Variants in CTNNA2 observed in about 807,000 individuals in gnomAD.
CTNNA2 encodes the protein catenin alpha-2.
Under a neutral mutation model 101.0 loss-of-function variants are expected in CTNNA2, and 42 were observed. That is an observed-to-expected ratio of 0.42 (90% CI 0.32 to 0.54). CTNNA2 has a LOEUF of 0.54. CTNNA2 is among the 20% of genes least tolerant of loss of function. The pLI is 0.14. For missense variants in CTNNA2, 871 were observed against 1,223.1 expected, an observed-to-expected ratio of 0.71 and a Z score of 4.29; for synonymous variants, 450 against 456.4, an observed-to-expected ratio of 0.99 and a Z score of 0.18.
chr2:80,149,239 T>G (rs1165255840), intron 7 of CTNNA2, among the ~76,000 whole-genome samples: 4 of 152,028 alleles, frequency 2.6e-5, no homozygotes, highest in African/African-American at 9.7e-5. Flanking sequence ...GTCTTTTACT[T>G]TGTTGCGCAG....
chr2:79,365,575 A>C (rs1461570905), intron 3 of CTNNA2, among the ~76,000 whole-genome samples: 4 of 150,178 alleles, frequency 2.7e-5, no homozygotes, highest in East Asian at 4.0e-4. Flanking sequence ...GTGGTGAGCT[A>C]TGATGGCACC....
At chr2:80,221,353 G>C (rs1293569053) in intron 7 of CTNNA2, among the ~76,000 whole-genome samples, 1 of 152,172 alleles carries the variant, frequency 6.6e-6, no homozygotes, top group East Asian at 1.9e-4. Flanking sequence ...TTCTGCAGTA[G>C]AGGGGTGTAT....
chr2:80,548,238 C>G (rs1182404158), intron 11 of CTNNA2, among the ~76,000 whole-genome samples: 2 of 152,116 alleles, frequency 1.3e-5, no homozygotes, highest in African/African-American at 4.8e-5. Flanking sequence ...AGCCTCAGAT[C>G]ACACAGCCAT....
intron 7 of CTNNA2, among the ~76,000 whole-genome samples, chr2:80,080,024 G>T (rs1251425649): frequency 6.6e-6 from 1 of 152,060 alleles, no homozygotes; most frequent in Non-Finnish European, 1.5e-5. Context: ...TTTGAGCCTT[G>T]CACGTCAATG....
intron 7 of CTNNA2, among the ~76,000 whole-genome samples, chr2:80,021,458 G>A (rs2104106693): frequency 6.6e-6 from 1 of 152,248 alleles, no homozygotes; most frequent in South Asian, 2.1e-4. Context: ...GCAGAAGAAT[G>A]CAGTCTTGGG....
chr2:80,567,181 G>T (rs562133325), intron 12 of CTNNA2, among the ~76,000 whole-genome samples: 4 of 152,134 alleles, frequency 2.6e-5, no homozygotes, highest in Admixed American at 6.6e-5. Context: ...AAAGTCCCCC[G>T]TGTAGGGGTG....
At chr2:80,190,573 C>T (rs1706429784) in intron 7 of CTNNA2, among the ~76,000 whole-genome samples, 1 of 152,110 alleles carries the variant, frequency 6.6e-6, no homozygotes, top group Non-Finnish European at 1.5e-5. Context: ...CTCCCAGAAT[C>T]TGTAGCTCAA....
intron 7 of CTNNA2, among the ~76,000 whole-genome samples, chr2:79,916,180 T>C (rs182110081): frequency 8.7e-4 from 133 of 152,332 alleles, no homozygotes; most frequent in East Asian, 2.9e-3. Flanking sequence ...GACAACACAA[T>C]ATAGAAAGTA....
chr2:79,648,275 C>G (rs575404289), intron 1 of CTNNA2, among the ~76,000 whole-genome samples: 243 of 152,286 alleles, frequency 1.6e-3, no homozygotes, highest in Non-Finnish European at 2.9e-3. Flanking sequence ...ACCATTGCCT[C>G]CCTTTTTGCT....
At chr2:80,045,050 T>C (rs958082031) in intron 7 of CTNNA2, among the ~76,000 whole-genome samples, 3 of 152,212 alleles carry the variant, frequency 2.0e-5, no homozygotes, top group Non-Finnish European at 4.4e-5. Context: ...GGATGTTGAA[T>C]AATGGGCCTA....
intron 7 of CTNNA2, among the ~76,000 whole-genome samples, chr2:80,088,084 A>G (rs973835363): frequency 2.6e-5 from 4 of 152,032 alleles, no homozygotes; most frequent in Admixed American, 1.3e-4. Flanking sequence ...CAGCAGCACA[A>G]GAAACATTGA....
intron 9 of CTNNA2, among the ~76,000 whole-genome samples, chr2:80,446,974 C>A (rs926101448): frequency 6.6e-6 from 1 of 151,998 alleles, no homozygotes; most frequent in Non-Finnish European, 1.5e-5. Context: ...CATTTCTTAA[C>A]GTGCACTCCA....
chr2:80,401,774 T>C (rs1480775964), intron 8 of CTNNA2, among the ~76,000 whole-genome samples: 2 of 151,112 alleles, frequency 1.3e-5, no homozygotes. Flanking sequence ...AGAAAATCCA[T>C]GTTTGAGGCT....
At chr2:79,401,037 A>T in intron 4 of CTNNA2, among the ~76,000 whole-genome samples, 1 of 151,912 alleles carries the variant, frequency 6.6e-6, no homozygotes, top group Non-Finnish European at 1.5e-5. Flanking sequence ...AGAAATTAAG[A>T]CACAGAGAAA....
At chr2:79,370,294 A>G (rs1022035329) in intron 3 of CTNNA2, among the ~76,000 whole-genome samples, 1 of 152,252 alleles carries the variant, frequency 6.6e-6, no homozygotes, top group Non-Finnish European at 1.5e-5. Flanking sequence ...ACACAAAGGC[A>G]GAGAAGAAAC....
intron 4 of CTNNA2, among the ~76,000 whole-genome samples, chr2:79,407,074 C>A (rs535656111): frequency 6.6e-6 from 1 of 152,018 alleles, no homozygotes. Context: ...ACCCTGGACT[C>A]ATTTATTTAT....
At chr2:80,033,144 A>C (rs1422420948) in intron 7 of CTNNA2, among the ~76,000 whole-genome samples, 7 of 133,932 alleles carry the variant, frequency 5.2e-5, no homozygotes, top group African/African-American at 9.1e-5. Context: ...AGCGGACTCC[A>C]TCTCAAAAAA....
intron 9 of CTNNA2, among the ~76,000 whole-genome samples, chr2:80,461,649 C>G (rs563522227): frequency 2.6e-5 from 4 of 152,040 alleles, no homozygotes; most frequent in African/African-American, 9.6e-5. Context: ...TGTTCATGTA[C>G]TGGTGCTTTT....
intron 2 of CTNNA2, among the ~76,000 whole-genome samples, chr2:79,198,931 GC>G (rs1274899684): frequency 1.3e-5 from 2 of 152,176 alleles, no homozygotes; most frequent in East Asian, 1.9e-4. Flanking sequence ...TACAATCAGT[GC>G]AAAGGTGAGT....
Sources: allele counts gnomAD v4.1 joint callset (sites outside exome capture counted in the v4.1 genomes callset), GRCh38; gene constraint gnomAD v4.1.1; transcripts MANE v1.5; gene names NCBI Gene and HGNC (gene_info 2026-07-23, HGNC 2026-07-21).